The following TENM2 variants were observed in gnomAD, a reference collection of about 807,000 sequenced individuals.
TENM2 encodes teneurin transmembrane protein 2.
TENM2 carries 52 observed loss-of-function variants against 245.2 expected under a neutral mutation model. The observed-to-expected ratio is 0.21, with a 90% CI of 0.17 to 0.27. The LOEUF (loss-of-function observed/expected upper bound fraction) is 0.27. Ranked by LOEUF, TENM2 falls within the 10% of genes least tolerant of loss-of-function variation. The pLI is 1.00. For synonymous variants in TENM2, 1,363 were observed against 1,438.9 expected, an observed-to-expected ratio of 0.95 and a Z score of 1.19; for missense variants, 3,046 against 3,666.8, an observed-to-expected ratio of 0.83 and a Z score of 4.37.
chr5:167,484,254 A>G (rs1344421743), intron 2 of TENM2, among the ~76,000 whole-genome samples: 1 of 152,146 alleles, frequency 6.6e-6, no homozygotes, highest in Non-Finnish European at 1.5e-5. Context: ...CTGAGGCAGG[A>G]GAATCGCTTG....
chr5:168,191,980 T>A (rs553646368), intron 14 of TENM2, among the ~76,000 whole-genome samples: 85 of 152,276 alleles, frequency 5.6e-4, no homozygotes, highest in Admixed American at 1.4e-3. Context: ...TTCTCTCTGT[T>A]GTCGTTTTTA....
chr5:167,187,035 G>T, the TENM2 span, among the ~76,000 whole-genome samples: 1 of 152,190 alleles, frequency 6.6e-6, no homozygotes, highest in African/African-American at 2.4e-5. Context: ...CAGACACACA[G>T]TTGTCATTCA....
At chr5:167,398,377 C>CCTTCCTTTCTTTCTTTCTTTCTTT (rs1453039008) in intron 2 of TENM2, among the ~76,000 whole-genome samples, 7 of 137,080 alleles carry the variant, frequency 5.1e-5, no homozygotes, top group African/African-American at 1.9e-4. Flanking sequence ...TTTCTTTCTT[C>CCTTCCTTTCTTTCTTTCTTTCTTT]CTTTCTTTCT....
At chr5:167,213,879 A>G in the TENM2 span, among the ~76,000 whole-genome samples, 1 of 152,218 alleles carries the variant, frequency 6.6e-6, no homozygotes, top group African/African-American at 2.4e-5. Flanking sequence ...AAAATGACCT[A>G]CTTATGGATT....
the TENM2 span, among the ~76,000 whole-genome samples, chr5:167,076,503 A>G: frequency 2.0e-5 from 3 of 152,284 alleles, no homozygotes; most frequent in South Asian, 6.2e-4. Context: ...TACATAGGGA[A>G]TATGTTTTAG....
chr5:167,695,618 A>G (rs750022454), intron 2 of TENM2, among the ~76,000 whole-genome samples: 1 of 152,052 alleles, frequency 6.6e-6, no homozygotes, highest in Non-Finnish European at 1.5e-5. Context: ...AAAAATAGTT[A>G]GCTGGAAATA....
the TENM2 span, among the ~76,000 whole-genome samples, chr5:167,235,613 T>C: frequency 6.6e-6 from 1 of 152,224 alleles, no homozygotes; most frequent in Non-Finnish European, 1.5e-5. Flanking sequence ...TCTGTTCTAC[T>C]TTTCTCTGTA....
chr5:167,355,266 C>T (rs955308671), intron 1 of TENM2, among the ~76,000 whole-genome samples: 2 of 152,102 alleles, frequency 1.3e-5, no homozygotes, highest in South Asian at 2.1e-4. Flanking sequence ...AAGAAGCATA[C>T]GACCTGCCAG....
At chr5:167,358,506 G>A (rs1419111922) in intron 1 of TENM2, among the ~76,000 whole-genome samples, 3 of 149,156 alleles carry the variant, frequency 2.0e-5, no homozygotes, top group East Asian at 2.0e-4. Context: ...TGACCCTTGT[G>A]GTCTTATGGT....
chr5:167,039,614 C>CACA, the TENM2 span, among the ~76,000 whole-genome samples: 5 of 150,490 alleles, frequency 3.3e-5, no homozygotes, highest in South Asian at 4.2e-4. Flanking sequence ...TGTCAATTAA[C>CACA]AAAAAAAAAT....
intron 3 of TENM2, among the ~76,000 whole-genome samples, chr5:167,907,668 T>TGGGGCAGGAGGATTGCTTGAGGCCA (rs1364761887): frequency 6.7e-6 from 1 of 149,484 alleles, no homozygotes; most frequent in Non-Finnish European, 1.5e-5. Flanking sequence ...TTTGGGAACC[T>TGGGGCAGGAGGATTGCTTGAGGCCA]GGGGCAGGAG....
At chr5:167,737,186 T>C (rs752783770) in intron 2 of TENM2, among the ~76,000 whole-genome samples, 7 of 152,198 alleles carry the variant, frequency 4.6e-5, no homozygotes, top group Non-Finnish European at 1.0e-4. Context: ...CGTTTTTAAA[T>C]GGACGAGCCT....
chr5:167,750,083 T>G (rs1761858614), intron 2 of TENM2, among the ~76,000 whole-genome samples: 1 of 152,070 alleles, frequency 6.6e-6, no homozygotes, highest in African/African-American at 2.4e-5. Context: ...GAATGGTTCA[T>G]TATCTTCGGG....
At position 168,221,959 on chromosome 5, in the gene TENM2, C is replaced by T. The variant is rs184767974; in HGVS notation, c.5108+2960C>T. ...TGGGGATAAAAATGCAAATTAACAA[C>T]AGGAGCCCTGTGCTAATCCACTGAG... On this transcript the variant is annotated intron_variant, in intron 23 of 28. Transcript: ENST00000518659. Among the ~76,000 whole-genome samples the T allele has an allele frequency of 2.6e-5, 4 of 152,292 alleles. No homozygotes were observed. The East Asian group carries it at 7.7e-4, about 29-fold the overall frequency.
chr5:167,902,145 G>A (rs1775753643), intron 3 of TENM2, among the ~76,000 whole-genome samples: 2 of 152,134 alleles, frequency 1.3e-5, no homozygotes, highest in African/African-American at 4.8e-5. Context: ...GCAGGTTCTG[G>A]GTGTTTGTGC....
At chr5:167,887,489 G>T (rs1404564726) in intron 3 of TENM2, among the ~76,000 whole-genome samples, 2 of 152,240 alleles carry the variant, frequency 1.3e-5, no homozygotes, top group Admixed American at 6.5e-5. Flanking sequence ...GAGACCATCT[G>T]TGATTGTGGA....
chr5:167,155,361 A>G, the TENM2 span, among the ~76,000 whole-genome samples: 2 of 152,234 alleles, frequency 1.3e-5, no homozygotes, highest in Admixed American at 6.5e-5. Flanking sequence ...AATAATATTG[A>G]GAAACCTATA....
chr5:168,189,287 G>A (rs545471142), intron 13 of TENM2, among the ~76,000 whole-genome samples: 26 of 152,320 alleles, frequency 1.7e-4, no homozygotes, highest in African/African-American at 6.3e-4. Flanking sequence ...GCATCATCCA[G>A]AAGGCTTCCT....
chr5:168,021,305 C>T (rs1786120382), intron 5 of TENM2, among the ~76,000 whole-genome samples: 1 of 152,222 alleles, frequency 6.6e-6, no homozygotes, highest in Non-Finnish European at 1.5e-5. Flanking sequence ...TAATTAAAAA[C>T]ATGTACTGGA....
Sources: allele counts gnomAD v4.1 joint callset (sites outside exome capture counted in the v4.1 genomes callset), GRCh38; gene constraint gnomAD v4.1.1; transcripts MANE v1.5; gene names NCBI Gene and HGNC (gene_info 2026-07-23, HGNC 2026-07-21).